Variants in CTNNA3 observed in about 807,000 individuals in gnomAD.
CTNNA3 encodes catenin alpha-3.
Under a neutral mutation model 95.7 loss-of-function variants are expected in CTNNA3, and 76 were observed. That is an observed-to-expected ratio of 0.79 (90% CI 0.66 to 0.96). CTNNA3 has a LOEUF of 0.96. Ranked by LOEUF, CTNNA3 falls within the 40% of genes least tolerant of loss-of-function variation. CTNNA3 has a pLI of 0.00. For missense variants in CTNNA3, 1,191 were observed against 1,089.8 expected, an observed-to-expected ratio of 1.09 and a Z score of -1.31; for synonymous variants, 431 against 374.4, an observed-to-expected ratio of 1.15 and a Z score of -1.74.
chr10:66,168,170 C>T (rs1444239260), intron 13 of CTNNA3, among the ~76,000 whole-genome samples: 2 of 152,140 alleles, frequency 1.3e-5, no homozygotes, highest in African/African-American at 4.8e-5. Context: ...GTCTATTCTA[C>T]TGGAATTTAA....
chr10:66,436,252 T>C (rs1049353707), intron 11 of CTNNA3, among the ~76,000 whole-genome samples: 1 of 152,184 alleles, frequency 6.6e-6, no homozygotes, highest in African/African-American at 2.4e-5. Flanking sequence ...GTCTCGTTTA[T>C]CTGTCTAATA....
At chr10:65,958,452 G>T (rs922785749) in intron 17 of CTNNA3, among the ~76,000 whole-genome samples, 2 of 152,150 alleles carry the variant, frequency 1.3e-5, no homozygotes, top group African/African-American at 4.8e-5. Context: ...GCGTTCCTTT[G>T]TAGGAGAAGA....
chr10:67,689,964 C>T (rs1340320537), intron 1 of CTNNA3, among the ~76,000 whole-genome samples: 2 of 152,126 alleles, frequency 1.3e-5, no homozygotes, highest in Non-Finnish European at 2.9e-5. Flanking sequence ...ATCTGGGTTG[C>T]CAAAATGTGT....
intron 7 of CTNNA3, among the ~76,000 whole-genome samples, chr10:66,851,628 T>TCACAGA (rs1380371147): frequency 1.1e-5 from 1 of 92,820 alleles, no homozygotes. Flanking sequence ...TCTCTTTCTC[T>TCACAGA]CACATACACA....
intron 11 of CTNNA3, among the ~76,000 whole-genome samples, chr10:66,461,147 G>A (rs774375158): frequency 6.6e-6 from 1 of 152,092 alleles, no homozygotes; most frequent in African/African-American, 2.4e-5. Flanking sequence ...GAGAATACAA[G>A]TACAAAGTAG....
intron 7 of CTNNA3, among the ~76,000 whole-genome samples, chr10:66,856,378 TG>T (rs1344896583): frequency 6.6e-6 from 1 of 151,766 alleles, no homozygotes; most frequent in East Asian, 1.9e-4. Flanking sequence ...CTGCAATGTG[TG>T]CATGTGTCTT....
chr10:66,714,710 A>G (rs2132616747), intron 9 of CTNNA3, among the ~76,000 whole-genome samples: 1 of 152,294 alleles, frequency 6.6e-6, no homozygotes, highest in South Asian at 2.1e-4. Context: ...CTACTGAGTC[A>G]GAAGCTCTGG....
intron 7 of CTNNA3, among the ~76,000 whole-genome samples, chr10:66,828,863 C>A (rs1842609436): frequency 6.6e-6 from 1 of 152,190 alleles, no homozygotes; most frequent in South Asian, 2.1e-4. Context: ...ACAGGTCAGA[C>A]AGAGCAGCCA....
chr10:66,379,741 C>T (rs1367643387), intron 11 of CTNNA3, among the ~76,000 whole-genome samples: 2 of 152,088 alleles, frequency 1.3e-5, no homozygotes, highest in African/African-American at 2.4e-5. Context: ...GATTATAAAA[C>T]TTATATATAC....
At chr10:65,992,010 A>AT (rs774458340) in intron 15 of CTNNA3, among the ~76,000 whole-genome samples, 187 of 152,112 alleles carry the variant, frequency 1.2e-3, no homozygotes, top group Middle Eastern at 3.4e-3. Context: ...AGATGATCAC[A>AT]TTTTTTAATC....
intron 7 of CTNNA3, among the ~76,000 whole-genome samples, chr10:67,017,136 C>A (rs1852708841): frequency 6.6e-6 from 1 of 152,130 alleles, no homozygotes; most frequent in South Asian, 2.1e-4. Context: ...ACTGAGCAAA[C>A]AATATATTCA....
intron 3 of CTNNA3, among the ~76,000 whole-genome samples, chr10:67,600,688 C>A (rs1843057833): frequency 6.6e-6 from 1 of 152,018 alleles, no homozygotes; most frequent in Non-Finnish European, 1.5e-5. Flanking sequence ...CCTTATGACC[C>A]AGAAATTTCA....
chr10:65,977,011 G>A (rs12763423), intron 16 of CTNNA3, among the ~76,000 whole-genome samples: 32,709 of 151,872 alleles, frequency 0.22, 4,006 homozygotes, highest in Middle Eastern at 0.35. Context: ...TAAAAACATC[G>A]AACAATGCTT....
chr10:65,997,540 A>C (rs1487635381), intron 15 of CTNNA3, among the ~76,000 whole-genome samples: 1 of 152,170 alleles, frequency 6.6e-6, no homozygotes, highest in Non-Finnish European at 1.5e-5. Flanking sequence ...TGTCACTTAA[A>C]CATCATGATT....
intron 11 of CTNNA3, among the ~76,000 whole-genome samples, chr10:66,451,749 T>C (rs2093466288): frequency 6.6e-6 from 1 of 152,154 alleles, no homozygotes; most frequent in Non-Finnish European, 1.5e-5. Context: ...AAGAAACTAC[T>C]CAAAAATTAA....
chr10:67,741,257 T>G (rs1841336229), intron 1 of CTNNA3, among the ~76,000 whole-genome samples: 1 of 149,192 alleles, frequency 6.7e-6, no homozygotes, highest in South Asian at 2.2e-4. Flanking sequence ...CATGTATACC[T>G]ATGTAACTAA....
At chr10:66,890,395 C>A (rs1299679701) in intron 7 of CTNNA3, among the ~76,000 whole-genome samples, 11 of 151,132 alleles carry the variant, frequency 7.3e-5, no homozygotes, top group Non-Finnish European at 8.8e-5. Context: ...AAAATAGTAG[C>A]AAAGAAGGAG....
intron 13 of CTNNA3, among the ~76,000 whole-genome samples, chr10:66,227,489 T>A (rs1453322003): frequency 6.6e-6 from 1 of 152,194 alleles, no homozygotes. Flanking sequence ...CTTGCATATG[T>A]TAAACTATCC....
chr10:67,132,499 A>G (rs887921903), intron 7 of CTNNA3, among the ~76,000 whole-genome samples: 1 of 152,092 alleles, frequency 6.6e-6, no homozygotes, highest in African/African-American at 2.4e-5. Flanking sequence ...GAAATCGAGG[A>G]GATGTACAAG....
Sources: gnomAD v4.1 joint callset for allele counts (sites outside exome capture counted in the v4.1 genomes callset) on GRCh38, gnomAD v4.1.1 for gene constraint, MANE v1.5 for transcripts, NCBI Gene and HGNC (gene_info 2026-07-23, HGNC 2026-07-21) for gene names.